The following DLGAP1 variants were observed in gnomAD, a reference collection of about 807,000 sequenced individuals.
DLGAP1 encodes the protein disks large-associated protein 1.
A neutral mutation model predicts 90.8 loss-of-function variants in DLGAP1; 11 were observed. That is an observed-to-expected ratio of 0.12 (90% confidence interval 0.08 to 0.20). The LOEUF (loss-of-function observed/expected upper bound fraction) is 0.20. Ranked by LOEUF, DLGAP1 falls within the 10% of genes least tolerant of loss-of-function variation. The pLI is 1.00. For missense variants in DLGAP1, 1,050 were observed against 1,333.8 expected (o/e 0.79, Z 3.31); for synonymous variants, 558 against 540.7 (o/e 1.03, Z -0.44).
intron 1 of DLGAP1, among the ~76,000 whole-genome samples, chr18:4,263,511 T>G (rs1019449913): frequency 2.0e-5 from 3 of 152,148 alleles, no homozygotes; most frequent in Non-Finnish European, 4.4e-5. Flanking sequence ...ACTTTATGAA[T>G]AGTCCTAAAA....
chr18:3,516,983 G>A (rs1946423654), intron 10 of DLGAP1, among the ~76,000 whole-genome samples: 1 of 152,206 alleles, frequency 6.6e-6, no homozygotes, highest in African/African-American at 2.4e-5. Context: ...TTGACTAGGT[G>A]CATTGTCAGT....
At chr18:3,901,048 C>A (rs1035642755) in intron 3 of DLGAP1, among the ~76,000 whole-genome samples, 1 of 152,058 alleles carries the variant, frequency 6.6e-6, no homozygotes, top group African/African-American at 2.4e-5. Flanking sequence ...GACAGCCCCT[C>A]GTGATCTTGC....
At chr18:3,618,897 T>C (rs976090401) in intron 7 of DLGAP1, among the ~76,000 whole-genome samples, 4 of 148,990 alleles carry the variant, frequency 2.7e-5, no homozygotes, top group Admixed American at 1.3e-4. Context: ...CGAGATCGTG[T>C]CACTGCACTC....
chr18:3,855,753 A>G (rs2069603617), intron 4 of DLGAP1, among the ~76,000 whole-genome samples: 1 of 152,100 alleles, frequency 6.6e-6, no homozygotes, highest in South Asian at 2.1e-4. Flanking sequence ...AGCTGGGACT[A>G]CAGACGCGTG....
In DLGAP1 at chr18:3,526,463, C is replaced by T. The variant is rs912614077; in HGVS notation, c.2479+7731G>A. 6.6e-6 allele frequency among the ~76,000 whole-genome samples: 1 copy of T among 152,186 alleles called. No individual in the cohort carries two copies. Among genetic ancestry groups the T allele is most frequent in the Non-Finnish European group, 1.5e-5 (1 of 68,032 alleles). ...AGCCCCGCATTCGCTGCCAAGGGTC[C>T]CAAGCCTTCTAGGGGACTGAAGGCC... On this transcript the variant is annotated intron_variant, in intron 10 of 12. Transcript: ENST00000315677. This position sits in a 1 kb window ranked among gnomAD's most constrained non-coding sequence, Gnocchi z 4.7.
chr18:3,765,349 C>A (rs1005017069), intron 5 of DLGAP1, among the ~76,000 whole-genome samples: 3 of 150,552 alleles, frequency 2.0e-5, no homozygotes, highest in Admixed American at 1.3e-4. Context: ...CCAGGATGGT[C>A]TCGATCTCCT....
intron 7 of DLGAP1, among the ~76,000 whole-genome samples, chr18:3,689,033 C>G (rs1391464918): frequency 2.0e-5 from 3 of 152,174 alleles, no homozygotes; most frequent in Non-Finnish European, 4.4e-5. Context: ...GTCTGCCTCT[C>G]TAGAAAGACT....
intron 1 of DLGAP1, among the ~76,000 whole-genome samples, chr18:4,231,926 T>C (rs1338010550): frequency 6.6e-6 from 1 of 152,190 alleles, no homozygotes; most frequent in Non-Finnish European, 1.5e-5. Context: ...TTGGTCGATG[T>C]GCAATCCCTA....
At chr18:3,880,934 C>T (rs1222772588) in intron 3 of DLGAP1, among the ~76,000 whole-genome samples, 2 of 118,928 alleles carry the variant, frequency 1.7e-5, no homozygotes, top group Non-Finnish European at 3.3e-5. Flanking sequence ...CAGAGCCAGA[C>T]TCCATCTCAG....
intron 1 of DLGAP1, among the ~76,000 whole-genome samples, chr18:4,204,925 T>C (rs967911049): frequency 6.6e-6 from 1 of 152,100 alleles, no homozygotes; most frequent in African/African-American, 2.4e-5. Context: ...CCATTTGAAC[T>C]TTGGCTTGAC....
At chr18:3,990,761 A>G (rs1199564884) in intron 3 of DLGAP1, among the ~76,000 whole-genome samples, 1 of 151,842 alleles carries the variant, frequency 6.6e-6, no homozygotes, top group African/African-American at 2.4e-5. Context: ...CTCACATTAT[A>G]TATGTATGTA....
intron 1 of DLGAP1, among the ~76,000 whole-genome samples, chr18:4,381,495 C>G (rs895873543): frequency 6.7e-6 from 1 of 148,494 alleles, no homozygotes; most frequent in Non-Finnish European, 1.5e-5. Flanking sequence ...ATGGGTATCA[C>G]TAATTATGCT....
At chr18:4,120,576 A>G (rs779779511) in intron 2 of DLGAP1, among the ~76,000 whole-genome samples, 4 of 152,232 alleles carry the variant, frequency 2.6e-5, no homozygotes, top group Non-Finnish European at 4.4e-5. Context: ...AGGGAGGTCT[A>G]TAGGTTTCGC....
chr18:4,104,939 T>A (rs1001161375), intron 2 of DLGAP1, among the ~76,000 whole-genome samples: 2 of 152,140 alleles, frequency 1.3e-5, no homozygotes, highest in Admixed American at 1.3e-4. Context: ...AATGCAACCA[T>A]CAAACAGACA....
intron 2 of DLGAP1, among the ~76,000 whole-genome samples, chr18:4,108,759 T>C (rs2075916941): frequency 6.6e-6 from 1 of 152,198 alleles, no homozygotes. Context: ...TATCTTCTAC[T>C]TGGTACAGGT....
At position 4,318,801 on chromosome 18, in the gene DLGAP1, C is replaced by A. The variant is rs1258016389; in HGVS notation, c.-267+136205G>T. On this transcript the variant is annotated intron_variant, in intron 1 of 12. Transcript: ENST00000315677. The stretch of plus-strand genomic sequence containing the variant: ...TTTTAGATCCAGGTACTGAAGTTGT[C>A]ATATGTTTATCATTATTAATATCAA... Among the ~76,000 whole-genome samples, 3 of 152,244 alleles carry A rather than the reference C, an allele frequency of 2.0e-5. No individual in the cohort carries two copies. The South Asian group carries it at 6.2e-4, about 32-fold the overall frequency.
chr18:3,500,637 CTGAT>C (rs2049881558), intron 12 of DLGAP1, among the ~76,000 whole-genome samples: 1 of 152,118 alleles, frequency 6.6e-6, no homozygotes, highest in South Asian at 2.1e-4. Flanking sequence ...TCTCCCAACT[CTGAT>C]TGTGCTTGTT....
At chr18:3,794,604 GT>G (rs1463774283) in intron 5 of DLGAP1, among the ~76,000 whole-genome samples, 4 of 152,222 alleles carry the variant, frequency 2.6e-5, no homozygotes, top group Admixed American at 2.6e-4. Context: ...GGGCTTTTGT[GT>G]GGGACAGGAA....
At chr18:3,618,808 G>A (rs1193114984) in intron 7 of DLGAP1, among the ~76,000 whole-genome samples, 6 of 149,790 alleles carry the variant, frequency 4.0e-5, no homozygotes, top group East Asian at 2.0e-4. Flanking sequence ...GTGAAGTGGC[G>A]GGTGCCTGTA....
Sources: allele counts gnomAD v4.1 joint callset (sites outside exome capture counted in the v4.1 genomes callset), GRCh38; gene constraint gnomAD v4.1.1; non-coding constraint Gnocchi (gnomAD v3.1); transcripts MANE v1.5; gene names NCBI Gene and HGNC (gene_info 2026-07-23, HGNC 2026-07-21).